The following B4GALT6 variants were observed in gnomAD, a reference collection of about 807,000 sequenced individuals.
The protein encoded by B4GALT6 is UDP-Gal:beta-GlcNAc beta-1,4-galactosyltransferase 6.
A neutral mutation model predicts 46.3 loss-of-function variants in B4GALT6; 14 were observed. The observed-to-expected ratio is 0.30, with a 90% CI of 0.20 to 0.47. The LOEUF is 0.47. B4GALT6 is among the 20% of genes least tolerant of loss of function. The probability of loss-of-function intolerance (pLI) is 0.99; values close to 1 mark genes in which losing one functional copy is unlikely to be tolerated. For missense variants in B4GALT6, 386 were observed against 480.1 expected (o/e 0.80, Z 1.83); for synonymous variants, 168 against 162.0 (o/e 1.04, Z -0.28).
chr18:31,672,663 A>G (rs895963720), intron 1 of B4GALT6, among the ~76,000 whole-genome samples: 1 of 152,246 alleles, frequency 6.6e-6, no homozygotes, highest in Non-Finnish European at 1.5e-5. Context: ...TACTTTACAT[A>G]TACTAACCTA....
chr18:31,625,888 T>G (rs1321625047), intron 8 of B4GALT6, 127 bp from the exon 9 acceptor site: 2 of 761,968 alleles, frequency 2.6e-6, no homozygotes, highest in Non-Finnish European at 3.8e-6. Context: ...CTGGTTCTTG[T>G]GCATAATTTA....
At chr18:31,666,406 C>T in intron 1 of B4GALT6, 34 bp from the exon 2 acceptor site, 1 of 1,034,270 alleles carries the variant, frequency 9.7e-7, no homozygotes, top group East Asian at 2.5e-5. Context: ...AATGTCATAA[C>T]ACAGTAAGCT....
chr18:31,707,282 T>A, the B4GALT6 span, among the ~76,000 whole-genome samples: 217 of 151,756 alleles, frequency 1.4e-3, no homozygotes, highest in Admixed American at 2.4e-3. Context: ...ACTGAACCTA[T>A]TCTCCATCTC....
the B4GALT6 span, chr18:31,724,518 A>G: frequency 2.0e-6 from 2 of 1,009,392 alleles, no homozygotes; most frequent in African/African-American, 3.5e-5. Flanking sequence ...TTCCTCCCAG[A>G]CGTCAGCTCC....
At chr18:31,625,867 C>CT in intron 8 of B4GALT6, 106 bp from the exon 9 acceptor site, 1 of 886,320 alleles carries the variant, frequency 1.1e-6, no homozygotes, top group Non-Finnish European at 1.6e-6. Flanking sequence ...ACTTAATGCC[C>CT]TTTACAATTT....
intron 3 of B4GALT6, among the ~76,000 whole-genome samples, chr18:31,653,529 G>A (rs905706770): frequency 7.8e-6 from 1 of 128,500 alleles, no homozygotes; most frequent in Non-Finnish European, 1.6e-5. Flanking sequence ...TGCAACCTCC[G>A]CCTCCAAGGT....
the B4GALT6 span, among the ~76,000 whole-genome samples, chr18:31,719,740 TAGGAGA>T: frequency 6.6e-6 from 1 of 152,090 alleles, no homozygotes; most frequent in Admixed American, 6.6e-5. Flanking sequence ...TTTGATCAGG[TAGGAGA>T]TGGAATCATA....
chr18:31,717,074 G>A, the B4GALT6 span, among the ~76,000 whole-genome samples: 1 of 152,066 alleles, frequency 6.6e-6, no homozygotes, highest in Non-Finnish European at 1.5e-5. Flanking sequence ...CTACACTCCA[G>A]CCTGGACGAC....
intron 5 of B4GALT6, among the ~76,000 whole-genome samples, chr18:31,634,287 CTACAAGA>C (rs1157066137): frequency 6.6e-6 from 1 of 152,208 alleles, no homozygotes; most frequent in Non-Finnish European, 1.5e-5. Flanking sequence ...GAAAAAGTTT[CTACAAGA>C]TACAACAGAG....
the B4GALT6 span, among the ~76,000 whole-genome samples, chr18:31,706,653 AG>A: frequency 2.0e-5 from 3 of 152,184 alleles, no homozygotes; most frequent in Admixed American, 2.0e-4. Flanking sequence ...AAGAAAAAAA[AG>A]AACATCATGT....
the B4GALT6 span, among the ~76,000 whole-genome samples, chr18:31,718,527 C>G: frequency 6.6e-6 from 1 of 152,224 alleles, no homozygotes; most frequent in Non-Finnish European, 1.5e-5. Context: ...ACACAACGCT[C>G]TCCACATATC....
chr18:31,670,056 TC>T (rs1182317615), intron 1 of B4GALT6, among the ~76,000 whole-genome samples: 3 of 151,742 alleles, frequency 2.0e-5, no homozygotes, highest in Non-Finnish European at 2.9e-5. Context: ...AAAATGATGA[TC>T]TTTTTTTTTT....
At chr18:31,657,364 A>T (rs967432633) in intron 3 of B4GALT6, among the ~76,000 whole-genome samples, 8 of 152,206 alleles carry the variant, frequency 5.3e-5, no homozygotes, top group South Asian at 2.1e-4. Context: ...ATCTATATGT[A>T]ACAACATGGG....
At chr18:31,632,182 A>C (rs929959665) in intron 5 of B4GALT6, among the ~76,000 whole-genome samples, 4 of 152,340 alleles carry the variant, frequency 2.6e-5, no homozygotes, top group Admixed American at 6.5e-5. Flanking sequence ...AGTCATCATC[A>C]GAGCACTGCC....
chr18:31,657,870 C>T (rs961889341), intron 3 of B4GALT6, 106 bp downstream of exon 3: 21 of 740,310 alleles, frequency 2.8e-5, no homozygotes, highest in Non-Finnish European at 4.5e-5. Flanking sequence ...TAAACATTTG[C>T]ACCCAGGTGC....
At chr18:31,708,152 G>A in the B4GALT6 span, among the ~76,000 whole-genome samples, 13 of 152,148 alleles carry the variant, frequency 8.5e-5, no homozygotes, top group Non-Finnish European at 1.3e-4. Flanking sequence ...TTTGGCATGA[G>A]GCTCATTCAT....
chr18:31,712,287 ATTTTTTTTTTTTTTT>A, the B4GALT6 span, among the ~76,000 whole-genome samples: 3 of 84,642 alleles, frequency 3.5e-5, no homozygotes, highest in African/African-American at 1.0e-4. Context: ...CTGGGACGTT[ATTTTTTTTTTTTTTT>A]TTTTTTTTTT....
chr18:31,639,571 T>C lies in B4GALT6; in HGVS notation c.472-811A>G, dbSNP rs2073904512. 2.0e-5 allele frequency among the ~76,000 whole-genome samples: 3 copies of C among 152,316 alleles called. No individual in the cohort carries two copies. In the South Asian group the frequency reaches 6.2e-4, roughly 32 times the overall value. On this transcript the variant is annotated intron_variant, in intron 4 of 8. Transcript: ENST00000306851. ...TAAGTTTTTGATACATTTTAAAATTTATTTCAGTGGTAGGATAATATTCAG... is the reference window on the plus strand; with the variant it reads ...TAAGTTTTTGATACATTTTAAAATTCATTTCAGTGGTAGGATAATATTCAG...
At chr18:31,656,240 T>C (rs945350178) in intron 3 of B4GALT6, among the ~76,000 whole-genome samples, 1 of 152,176 alleles carries the variant, frequency 6.6e-6, no homozygotes, top group African/African-American at 2.4e-5. Flanking sequence ...CAAAGGCTAA[T>C]TTCCTCAATT....
Sources: gnomAD v4.1 joint callset for allele counts (sites outside exome capture counted in the v4.1 genomes callset) on GRCh38, gnomAD v4.1.1 for gene constraint, MANE v1.5 for transcripts, NCBI Gene and HGNC (gene_info 2026-07-23, HGNC 2026-07-21) for gene names.